NOS1AP: variants seen among roughly 807,000 people sequenced by gnomAD.
NOS1AP encodes carboxyl-terminal PDZ ligand of neuronal nitric oxide synthase protein.
A neutral mutation model predicts 56.2 loss-of-function variants in NOS1AP; 21 were observed. The ratio of observed to expected loss-of-function variants is 0.37; its 90% confidence interval spans 0.26 to 0.54. The LOEUF is 0.54. NOS1AP is among the 20% of genes least tolerant of loss of function. The pLI, the probability that NOS1AP is intolerant of heterozygous loss-of-function variation, is 0.84. For missense variants in NOS1AP, 522 were observed against 657.8 expected (o/e 0.79, Z 2.26); for synonymous variants, 270 against 274.6 (o/e 0.98, Z 0.17).
intron 3 of NOS1AP, among the ~76,000 whole-genome samples, chr1:162,294,365 G>C (rs1173462274): frequency 6.6e-6 from 1 of 152,154 alleles, no homozygotes; most frequent in Non-Finnish European, 1.5e-5. Flanking sequence ...GCCTGCCTTA[G>C]TATCCCTCCA....
At chr1:162,185,261 C>T (rs1308467517) in intron 2 of NOS1AP, among the ~76,000 whole-genome samples, 4 of 152,218 alleles carry the variant, frequency 2.6e-5, no homozygotes, top group Non-Finnish European at 4.4e-5. Context: ...TGCCAAGTAC[C>T]TTTTGCCATG....
intron 2 of NOS1AP, among the ~76,000 whole-genome samples, chr1:162,268,345 A>G (rs1368942795): frequency 6.6e-6 from 1 of 151,906 alleles, no homozygotes; most frequent in Non-Finnish European, 1.5e-5. Flanking sequence ...ATTTATTATA[A>G]GAGTTTTCTC....
At chr1:162,320,942 C>CT (rs1386994199) in intron 4 of NOS1AP, among the ~76,000 whole-genome samples, 1 of 151,894 alleles carries the variant, frequency 6.6e-6, no homozygotes, top group East Asian at 1.9e-4. Context: ...TTCTCCCCCA[C>CT]TTTTTTTTAA....
chr1:162,280,276 G>T (rs1654873837), intron 2 of NOS1AP, among the ~76,000 whole-genome samples: 1 of 152,170 alleles, frequency 6.6e-6, no homozygotes, highest in African/African-American at 2.4e-5. Flanking sequence ...ATTAGCTTTT[G>T]ATTTAGAAAA....
chr1:162,337,530 G>A (rs1223459220), intron 5 of NOS1AP, among the ~76,000 whole-genome samples: 1 of 152,082 alleles, frequency 6.6e-6, no homozygotes, highest in African/African-American at 2.4e-5. Context: ...AGGAATCATG[G>A]GTCTCAGAAC....
intron 1 of NOS1AP, among the ~76,000 whole-genome samples, chr1:162,073,665 T>A (rs1691708979): frequency 6.6e-6 from 1 of 152,214 alleles, no homozygotes; most frequent in Non-Finnish European, 1.5e-5. Flanking sequence ...TTCTCCGTTT[T>A]GGTCAGGCTG....
intron 4 of NOS1AP, among the ~76,000 whole-genome samples, chr1:162,325,601 A>C (rs1656561436): frequency 6.6e-6 from 1 of 152,158 alleles, no homozygotes. Context: ...ACCAGGAGTC[A>C]TGCTGGATTT....
intron 5 of NOS1AP, among the ~76,000 whole-genome samples, chr1:162,339,164 C>T (rs1384363999): frequency 1.3e-5 from 2 of 152,148 alleles, no homozygotes; most frequent in African/African-American, 4.8e-5. Context: ...AGCAGGCTCT[C>T]CATCTGGAGC....
rs114276124 is a variant in NOS1AP at position 162,275,243 on chromosome 1, G to A, written c.178-12101G>A. Among the ~76,000 whole-genome samples the A allele has an allele frequency of 4.1e-4, 63 of 152,112 alleles. No individual in the cohort carries two copies. The East Asian group carries it at 0.011, about 28-fold the overall frequency. Reference sequence around the variant, plus strand: ...CACCCAGGCTGGAGTGCAGTTGTACGATCTTGGCTCTGCAACCTCTGCCTC... The same window carrying A: ...CACCCAGGCTGGAGTGCAGTTGTACAATCTTGGCTCTGCAACCTCTGCCTC... On this transcript the variant is annotated intron_variant, in intron 2 of 9. Coordinates refer to ENST00000361897, the MANE Select transcript of NOS1AP (RefSeq NM_014697.3).
chr1:162,328,864 C>G (rs1474566529), intron 4 of NOS1AP, among the ~76,000 whole-genome samples: 1 of 152,218 alleles, frequency 6.6e-6, no homozygotes, highest in Non-Finnish European at 1.5e-5. Flanking sequence ...TCCTGACAGA[C>G]AGAGATGCTG....
intron 9 of NOS1AP, among the ~76,000 whole-genome samples, chr1:162,366,297 T>A (rs755230529): frequency 6.6e-6 from 1 of 152,178 alleles, no homozygotes; most frequent in African/African-American, 2.4e-5. Flanking sequence ...GAAACTGTGA[T>A]AGAATTTTTT....
chr1:162,226,231 T>C lies in NOS1AP; in HGVS notation c.178-61113T>C, dbSNP rs914083505. 2.0e-5 allele frequency among the ~76,000 whole-genome samples: 3 copies of C among 152,046 alleles called. No individual in the cohort carries two copies. The South Asian group carries it at 6.2e-4, about 32-fold the overall frequency. On this transcript the variant is annotated intron_variant, in intron 2 of 9. Coordinates refer to ENST00000361897, the MANE Select transcript of NOS1AP (RefSeq NM_014697.3). ...TCACTTGAACCTGGGAGGCAGAGGTTGCGGTGAGCTGAGATCCCACCATTA... is the reference window on the plus strand; with the variant it reads ...TCACTTGAACCTGGGAGGCAGAGGTCGCGGTGAGCTGAGATCCCACCATTA...
intron 4 of NOS1AP, among the ~76,000 whole-genome samples, chr1:162,303,101 T>G (rs1298255443): frequency 6.6e-6 from 1 of 152,232 alleles, no homozygotes; most frequent in East Asian, 1.9e-4. Context: ...TTTCCGGTTT[T>G]GGGCTGTTAC....
At chr1:162,124,792 G>A (rs1200920375) in intron 1 of NOS1AP, among the ~76,000 whole-genome samples, 2 of 152,012 alleles carry the variant, frequency 1.3e-5, no homozygotes, top group Non-Finnish European at 2.9e-5. Flanking sequence ...CAAAGTGCTG[G>A]GATTACAGGC....
In NOS1AP at chr1:162,169,496, A is replaced by G. The variant is rs143696774; in HGVS notation, c.177+15020A>G. Among the ~76,000 whole-genome samples, 1,057 of 152,300 alleles carry G rather than the reference A, an allele frequency of 6.9e-3. 58 individuals carry two copies. The highest frequency in any genetic ancestry group is 0.065 in the Admixed American group (994 of 15,304). On this transcript the variant is annotated intron_variant, in intron 2 of 9. Coordinates refer to ENST00000361897, the MANE Select transcript of NOS1AP (RefSeq NM_014697.3). Reference sequence around the variant, plus strand: ...TGCATTCCCATACACCCCTGCATTTAGTTGCTTAGCTGGGCACTCAGACAG... The same window carrying G: ...TGCATTCCCATACACCCCTGCATTTGGTTGCTTAGCTGGGCACTCAGACAG...
At chr1:162,326,904 C>G (rs1484599763) in intron 4 of NOS1AP, among the ~76,000 whole-genome samples, 2 of 152,168 alleles carry the variant, frequency 1.3e-5, no homozygotes, top group African/African-American at 4.8e-5. Context: ...AACTTGAAGA[C>G]AACATAATTG....
intron 4 of NOS1AP, among the ~76,000 whole-genome samples, chr1:162,319,458 G>A (rs1361487393): frequency 3.3e-5 from 5 of 151,962 alleles, no homozygotes; most frequent in African/African-American, 9.7e-5. Context: ...TCTGTAGCTG[G>A]GCTCTCCACA....
chr1:162,353,398 A>G (rs1657588054), intron 6 of NOS1AP, among the ~76,000 whole-genome samples: 1 of 151,970 alleles, frequency 6.6e-6, no homozygotes, highest in Non-Finnish European at 1.5e-5. Flanking sequence ...AAATTTTCTG[A>G]TTCCACCTGG....
chr1:162,073,106 A>C (rs939339752), intron 1 of NOS1AP, among the ~76,000 whole-genome samples: 11 of 151,866 alleles, frequency 7.2e-5, no homozygotes, highest in Non-Finnish European at 1.6e-4. Context: ...GCACTTAAAA[A>C]CCCATGCATT....
Sources: allele counts gnomAD v4.1 joint callset (sites outside exome capture counted in the v4.1 genomes callset), GRCh38; gene constraint gnomAD v4.1.1; transcripts MANE v1.5; gene names NCBI Gene and HGNC (gene_info 2026-07-23, HGNC 2026-07-21).